Variants in NRF1 observed in about 807,000 individuals in gnomAD.
NRF1 encodes the protein alpha palindromic-binding protein.
Under a neutral mutation model 58.5 loss-of-function variants are expected in NRF1, and 5 were observed. The observed-to-expected ratio is 0.09, with a 90% CI of 0.04 to 0.18. The LOEUF (loss-of-function observed/expected upper bound fraction) is 0.18, where lower values mean the gene tolerates loss of function less well. NRF1 is among the 10% of genes least tolerant of loss of function. The pLI is 1.00. For synonymous variants in NRF1, 224 were observed against 246.7 expected (o/e 0.91, Z 0.86); for missense variants, 288 against 657.7 (o/e 0.44, Z 6.15).
chr7:129,717,539 G>T (rs1391980818), intron 9 of NRF1, among the ~76,000 whole-genome samples, 163 bp downstream of exon 9: 5 of 152,240 alleles, frequency 3.3e-5, no homozygotes, highest in African/African-American at 1.2e-4. Context: ...TAATAGGTCA[G>T]TCCTTACCAA....
chr7:129,644,596 C>T (rs565413807), intron 1 of NRF1, among the ~76,000 whole-genome samples: 1 of 152,264 alleles, frequency 6.6e-6, no homozygotes, highest in East Asian at 1.9e-4. Flanking sequence ...CTCATGTGGT[C>T]AGTAGTCCAC....
In NRF1 at chr7:129,710,412, C is replaced by T. The variant is rs1803046839; in HGVS notation, c.804C>T (p.Asn268=). ...WTQALRTIVK[N]CYKQHGREDL... ...AGGCACTACGGACCATAGTTAAAAA[C>T]TGTTATAAACAGCATGGGCGGGAAG... Residue 268 remains asparagine, a synonymous_variant, in exon 7 of 11, where the codon AAC becomes AAT. Transcript: ENST00000393232. 3.1e-6 allele frequency: 5 copies of T among 1,614,210 alleles called. No individual in the cohort carries two copies. Among genetic ancestry groups the T allele is most frequent in the Non-Finnish European group, 4.2e-6 (5 of 1,180,034 alleles).
At chr7:129,722,057 G>A (rs1398340838) in intron 9 of NRF1, among the ~76,000 whole-genome samples, 4 of 152,136 alleles carry the variant, frequency 2.6e-5, no homozygotes, top group African/African-American at 9.7e-5. Context: ...AAGTGGTCTA[G>A]CTCAGGGCCT....
At chr7:129,678,049 A>G (rs1802224175) in intron 4 of NRF1, among the ~76,000 whole-genome samples, 1 of 152,148 alleles carries the variant, frequency 6.6e-6, no homozygotes, top group South Asian at 2.1e-4. Flanking sequence ...CCAATGCAGG[A>G]TTTTCTAAGA....
At chr7:129,717,486 G>C (rs1362194326) in intron 9 of NRF1, 110 bp downstream of exon 9, 1 of 1,209,016 alleles carries the variant, frequency 8.3e-7, no homozygotes, top group Non-Finnish European at 1.1e-6. Flanking sequence ...TTGGCAGTTG[G>C]AACTTAACAC....
chr7:129,619,597 T>C (rs1800746813), intron 1 of NRF1, among the ~76,000 whole-genome samples: 1 of 148,484 alleles, frequency 6.7e-6, no homozygotes, highest in Non-Finnish European at 1.5e-5. Flanking sequence ...TCCTACAGAA[T>C]CTAACTTAGT....
intron 4 of NRF1, among the ~76,000 whole-genome samples, chr7:129,689,697 GAAC>G (rs1802519882): frequency 6.6e-6 from 1 of 152,174 alleles, no homozygotes; most frequent in African/African-American, 2.4e-5. Context: ...TGCAGACAAC[GAAC>G]AACAATATCT....
chr7:129,754,887 G>A, intron 10 of NRF1, 131 bp from the exon 11 acceptor site: 1 of 788,790 alleles, frequency 1.3e-6, no homozygotes, highest in South Asian at 2.7e-5. Flanking sequence ...TTGTGCCTGG[G>A]CCATGGGTAT....
intron 1 of NRF1, among the ~76,000 whole-genome samples, chr7:129,648,847 T>C (rs773642232): frequency 2.0e-5 from 3 of 152,160 alleles, no homozygotes; most frequent in Non-Finnish European, 4.4e-5. Context: ...TTTTGTATTA[T>C]ATTTCATTTT....
chr7:129,676,911 ACAAT>A (rs1379364358), intron 3 of NRF1, among the ~76,000 whole-genome samples: 5 of 152,236 alleles, frequency 3.3e-5, no homozygotes, highest in Non-Finnish European at 7.3e-5. Context: ...TGAGATATAA[ACAAT>A]CAATAAAAGA....
intron 1 of NRF1, among the ~76,000 whole-genome samples, chr7:129,620,041 A>C (rs923168223): frequency 4.6e-5 from 7 of 152,172 alleles, no homozygotes; most frequent in African/African-American, 1.4e-4. Context: ...GTTGACACAC[A>C]GAAAAGTCAA....
chr7:129,717,496 C>G, intron 9 of NRF1, 120 bp downstream of exon 9: 1 of 1,087,018 alleles, frequency 9.2e-7, no homozygotes, highest in Non-Finnish European at 1.3e-6. Flanking sequence ...GAACTTAACA[C>G]TCTTGGCCCA....
At chr7:129,698,532 T>G (rs1013453837) in intron 5 of NRF1, among the ~76,000 whole-genome samples, 1 of 152,154 alleles carries the variant, frequency 6.6e-6, no homozygotes, top group Non-Finnish European at 1.5e-5. Context: ...TTGGGGTAGG[T>G]TCTGTAACCC....
At chr7:129,648,609 A>AT (rs1303497657) in intron 1 of NRF1, among the ~76,000 whole-genome samples, 1 of 151,990 alleles carries the variant, frequency 6.6e-6, no homozygotes, top group Non-Finnish European at 1.5e-5. Flanking sequence ...TAAGGTACTT[A>AT]TTTTTTTAGT....
intron 1 of NRF1, among the ~76,000 whole-genome samples, chr7:129,623,718 C>T (rs372995284): frequency 5.3e-5 from 8 of 152,108 alleles, no homozygotes; most frequent in African/African-American, 1.7e-4. Flanking sequence ...TTAGTGACTG[C>T]ATTTAGTATC....
chr7:129,717,383 G>GC lies in NRF1; in HGVS notation c.1223+8dup. Reference sequence around the variant, plus strand: ...TCACTATGGCGCTTAACAGGTGGTGGCAAGAGTGTGGGAATAAGTGAGGAT... The same window carrying GC: ...TCACTATGGCGCTTAACAGGTGGTGGCCAAGAGTGTGGGAATAAGTGAGGAT... On this transcript the variant is annotated splice_region_variant and intron_variant, in intron 9 of 10. Coordinates refer to ENST00000393232, the MANE Select transcript of NRF1 (RefSeq NM_005011.5). 8 of 1,603,784 alleles carry GC rather than the reference G, an allele frequency of 5.0e-6. No individual in the cohort carries two copies. Among genetic ancestry groups the GC allele is most frequent in the Non-Finnish European group, 6.8e-6 (8 of 1,175,238 alleles).
intron 5 of NRF1, among the ~76,000 whole-genome samples, chr7:129,700,615 G>T (rs1802799387): frequency 6.6e-6 from 1 of 152,124 alleles, no homozygotes. Flanking sequence ...TAGGCATAAT[G>T]AAATTAAGAG....
At chr7:129,694,516 C>T (rs1802642476) in intron 5 of NRF1, among the ~76,000 whole-genome samples, 1 of 152,144 alleles carries the variant, frequency 6.6e-6, no homozygotes. Flanking sequence ...AGGCATGCGC[C>T]ACCATGCCTG....
chr7:129,677,667 G>A lies in NRF1; in HGVS notation c.374G>A (p.Arg125His). 6.2e-7 allele frequency: 1 copy of A among 1,613,970 alleles called. No homozygotes were observed. Among genetic ancestry groups the A allele is most frequent in the Non-Finnish European group, 8.5e-7 (1 of 1,179,936 alleles). ...GCCACGTTAGATGAATATACTACTC[G>A]TGTGGGACAGCAAGCTATTGTCCTC... ...LRATLDEYTT[R>H]VGQQAIVLCI... Residue 125 changes from arginine (R) to histidine (H), a missense_variant, in exon 4 of 11, where the codon CGT (arginine) becomes CAT (histidine). This residue lies in a region of NRF1 where 212 missense variants were observed against 559.7 expected (regional missense o/e 0.38). Transcript: ENST00000393232.
Sources: gnomAD v4.1 joint callset for allele counts (sites outside exome capture counted in the v4.1 genomes callset) on GRCh38, gnomAD v4.1.1 for gene constraint, gnomAD v4.1.1 regional missense constraint, MANE v1.5 for transcripts, NCBI Gene and HGNC (gene_info 2026-07-23, HGNC 2026-07-21) for gene names.